The following GPATCH2 variants were observed in gnomAD, a reference collection of about 807,000 sequenced individuals.
The protein encoded by GPATCH2 is G-patch domain containing 2, also known as G patch domain-containing protein 2.
GPATCH2 carries 51 observed loss-of-function variants against 58.0 expected under a neutral mutation model. The observed-to-expected ratio is 0.88, with a 90% CI of 0.70 to 1.11. The LOEUF is 1.11. GPATCH2 is among the 50% of genes most tolerant of loss of function. The pLI, the probability that GPATCH2 is intolerant of heterozygous loss-of-function variation, is 0.00. For synonymous variants in GPATCH2, 222 were observed against 218.5 expected (o/e 1.02, Z -0.14); for missense variants, 625 against 652.2 (o/e 0.96, Z 0.45).
chr1:217,514,700 A>G (rs530735875), intron 6 of GPATCH2, 122 bp downstream of exon 6: 6 of 511,378 alleles, frequency 1.2e-5, no homozygotes, highest in Non-Finnish European at 2.2e-5. Flanking sequence ...TCAATGGTAA[A>G]TTATACTTAC....
intron 4 of GPATCH2, 94 bp from the exon 5 acceptor site, chr1:217,610,494 T>C (rs1668573476): frequency 1.3e-6 from 1 of 778,938 alleles, no homozygotes; most frequent in South Asian, 1.6e-5. Flanking sequence ...GAAAAGTAAG[T>C]TGGTGGTGGC....
chr1:217,526,544 G>A (rs1663917640), intron 5 of GPATCH2, among the ~76,000 whole-genome samples: 1 of 152,170 alleles, frequency 6.6e-6, no homozygotes, highest in South Asian at 2.1e-4. Context: ...AGCAGTGTAA[G>A]CATAATCTTA....
intron 8 of GPATCH2, among the ~76,000 whole-genome samples, chr1:217,485,905 A>C (rs771255108): frequency 5.3e-5 from 8 of 152,202 alleles, no homozygotes; most frequent in Non-Finnish European, 1.0e-4. Context: ...TATGTGGTGC[A>C]TGACTGTACC....
intron 8 of GPATCH2, among the ~76,000 whole-genome samples, chr1:217,480,861 T>C (rs186577664): frequency 1.3e-5 from 2 of 152,216 alleles, no homozygotes; most frequent in African/African-American, 4.8e-5. Flanking sequence ...GAGTTGATTA[T>C]GCTAAGTGAA....
At chr1:217,588,981 C>T (rs371985146) in intron 5 of GPATCH2, among the ~76,000 whole-genome samples, 2 of 152,118 alleles carry the variant, frequency 1.3e-5, no homozygotes, top group African/African-American at 4.8e-5. Flanking sequence ...TTTAAAAGGA[C>T]ATTTTTTAGG....
intron 5 of GPATCH2, among the ~76,000 whole-genome samples, chr1:217,580,356 T>C (rs12097653): frequency 0.27 from 40,820 of 152,016 alleles, 5,803 homozygotes; most frequent in East Asian, 0.49. Context: ...GGATGAAACA[T>C]TAGTAATTAT....
Position 217,429,220 on chromosome 1 carries a change from A to G in GPATCH2, c.*1925T>C, listed in dbSNP as rs1658424812. ...CATAGACAGAATGAGCATTTAGAAAATATCAGTTAAAAAAATGGCAAATTT... is the reference window on the plus strand; with the variant it reads ...CATAGACAGAATGAGCATTTAGAAAGTATCAGTTAAAAAAATGGCAAATTT... On this transcript the variant is annotated 3_prime_UTR_variant, in exon 10 of 10. Transcript: ENST00000366935. 6.6e-6 allele frequency: 1 copy of G among 152,136 alleles called. No homozygotes were observed. Among genetic ancestry groups the G allele is most frequent in the South Asian group, 2.1e-4 (1 of 4,838 alleles). 9.4% of individuals were successfully genotyped at this position (152,136 alleles called of 1,614,324 possible). A position where few individuals can be genotyped will look rare whatever the true frequency, so the allele number is the denominator to read the frequency against.
intron 5 of GPATCH2, among the ~76,000 whole-genome samples, chr1:217,591,366 A>G (rs1667583172): frequency 2.0e-5 from 3 of 152,166 alleles, no homozygotes; most frequent in Middle Eastern, 3.4e-3. Flanking sequence ...TTTGCTTGAA[A>G]ATAGTAAAAT....
chr1:217,575,738 T>C (rs1257465715), intron 5 of GPATCH2, among the ~76,000 whole-genome samples: 2 of 152,104 alleles, frequency 1.3e-5, no homozygotes, highest in Admixed American at 1.3e-4. Context: ...TTCAATTTAA[T>C]AGAAAAATAT....
At chr1:217,552,108 C>T (rs736631) in intron 5 of GPATCH2, among the ~76,000 whole-genome samples, 30,952 of 151,860 alleles carry the variant, frequency 0.2, 3,743 homozygotes, top group East Asian at 0.36. Context: ...GGAAAAAATA[C>T]TGACTGCCTT....
chr1:217,530,430 A>G (rs1664133545), intron 5 of GPATCH2, among the ~76,000 whole-genome samples: 1 of 152,232 alleles, frequency 6.6e-6, no homozygotes, highest in African/African-American at 2.4e-5. Context: ...AGCTATTATT[A>G]TTTGTATTAA....
At chr1:217,551,200 G>T (rs1665343650) in intron 5 of GPATCH2, among the ~76,000 whole-genome samples, 1 of 151,678 alleles carries the variant, frequency 6.6e-6, no homozygotes, top group South Asian at 2.1e-4. Flanking sequence ...AAGATGTATG[G>T]TCAGTAAACA....
At chr1:217,485,166 A>T (rs1415985794) in intron 8 of GPATCH2, among the ~76,000 whole-genome samples, 1 of 152,150 alleles carries the variant, frequency 6.6e-6, no homozygotes, top group African/African-American at 2.4e-5. Flanking sequence ...AGGAGTGCTG[A>T]TGTCTGAGGG....
chr1:217,540,217 G>A (rs1347210828), intron 5 of GPATCH2, among the ~76,000 whole-genome samples: 3 of 152,180 alleles, frequency 2.0e-5, no homozygotes, highest in Non-Finnish European at 2.9e-5. Context: ...TTTAAGGAAG[G>A]AAGGAAAGGA....
At chr1:217,555,731 C>T (rs1006450946) in intron 5 of GPATCH2, among the ~76,000 whole-genome samples, 1 of 152,152 alleles carries the variant, frequency 6.6e-6, no homozygotes, top group Admixed American at 6.5e-5. Context: ...TCCTCCTCTG[C>T]TGATCAGCTC....
At chr1:217,465,535 G>A (rs1488707003) in intron 8 of GPATCH2, among the ~76,000 whole-genome samples, 1 of 152,110 alleles carries the variant, frequency 6.6e-6, no homozygotes, top group African/African-American at 2.4e-5. Flanking sequence ...ACTGAATCAT[G>A]GGGACCAGTC....
intron 1 of GPATCH2, among the ~76,000 whole-genome samples, chr1:217,629,223 A>G (rs528137614): frequency 0.013 from 1,284 of 101,362 alleles, 7 homozygotes; most frequent in Middle Eastern, 0.028. Flanking sequence ...TACATTCCAG[A>G]TAGTCATACA....
At chr1:217,496,409 T>C (rs1451813666) in intron 7 of GPATCH2, among the ~76,000 whole-genome samples, 1 of 152,212 alleles carries the variant, frequency 6.6e-6, no homozygotes, top group East Asian at 1.9e-4. Context: ...AACAAGTGTA[T>C]TTCTTGCAGT....
At chr1:217,462,189 T>A (rs1231935522) in intron 8 of GPATCH2, among the ~76,000 whole-genome samples, 1 of 152,190 alleles carries the variant, frequency 6.6e-6, no homozygotes, top group Non-Finnish European at 1.5e-5. Flanking sequence ...TTTAAATGTC[T>A]ATGGAGAAAA....
Sources: gnomAD v4.1 joint callset for allele counts (sites outside exome capture counted in the v4.1 genomes callset) on GRCh38, gnomAD v4.1.1 for gene constraint, MANE v1.5 for transcripts, NCBI Gene and HGNC (gene_info 2026-07-23, HGNC 2026-07-21) for gene names.